Variants in PHF24 observed in about 807,000 individuals in gnomAD.
The protein encoded by PHF24 is Galpha inhibitory interacting protein.
PHF24 carries 25 observed loss-of-function variants against 42.6 expected under a neutral mutation model. The ratio of observed to expected loss-of-function variants is 0.59; its 90% confidence interval spans 0.43 to 0.82. PHF24 has a LOEUF of 0.82. Ranked by LOEUF, PHF24 falls within the 40% of genes least tolerant of loss-of-function variation. The probability of loss-of-function intolerance (pLI) is 0.00; values close to 1 mark genes in which losing one functional copy is unlikely to be tolerated. For missense variants in PHF24, 470 were observed against 538.1 expected (o/e 0.87, Z 1.25); for synonymous variants, 185 against 204.8 (o/e 0.90, Z 0.83).
At chr9:34,976,005 G>A in intron 3 of PHF24, 147 bp from the exon 4 acceptor site, 1 of 642,098 alleles carries the variant, frequency 1.6e-6, no homozygotes, top group South Asian at 1.9e-5. Context: ...CCTCTCTGGG[G>A]CCTCAATCTC....
the PHF24 span, among the ~76,000 whole-genome samples, chr9:34,881,121 A>G: frequency 6.6e-6 from 1 of 152,238 alleles, no homozygotes; most frequent in African/African-American, 2.4e-5. Context: ...TGGGTACATA[A>G]TGAAATGAAG....
At chr9:34,774,985 G>A in the PHF24 span, among the ~76,000 whole-genome samples, 1 of 151,994 alleles carries the variant, frequency 6.6e-6, no homozygotes, top group Admixed American at 6.6e-5. Flanking sequence ...CAGTTGTTGG[G>A]GAAAACAGTA....
chr9:34,687,392 T>G, the PHF24 span, among the ~76,000 whole-genome samples: 1 of 152,170 alleles, frequency 6.6e-6, no homozygotes, highest in East Asian at 1.9e-4. Context: ...GCCAAGTCTT[T>G]GTTTGGAAGG....
At chr9:34,942,194 A>G in the PHF24 span, among the ~76,000 whole-genome samples, 17 of 152,158 alleles carry the variant, frequency 1.1e-4, no homozygotes, top group African/African-American at 3.1e-4. Flanking sequence ...GCCTAAACCT[A>G]CTGCAGAACC....
chr9:34,866,551 TA>T, the PHF24 span, among the ~76,000 whole-genome samples: 2 of 151,854 alleles, frequency 1.3e-5, no homozygotes, highest in South Asian at 2.1e-4. Context: ...CCAGGGCCTA[TA>T]AAAAAAATGC....
At chr9:34,890,340 T>C in the PHF24 span, among the ~76,000 whole-genome samples, 1 of 152,166 alleles carries the variant, frequency 6.6e-6, no homozygotes, top group Non-Finnish European at 1.5e-5. Flanking sequence ...TTTTCTCTGC[T>C]GGGGTAGGGA....
the PHF24 span, among the ~76,000 whole-genome samples, chr9:34,701,113 T>C: frequency 6.6e-6 from 1 of 152,178 alleles, no homozygotes; most frequent in Non-Finnish European, 1.5e-5. This position sits in a 1 kb window ranked among gnomAD's most constrained non-coding sequence, Gnocchi z 5.8. Flanking sequence ...CTCAGGGCGA[T>C]CAACCCATTC....
intron 1 of PHF24, among the ~76,000 whole-genome samples, chr9:34,965,854 T>C (rs1412836066): frequency 2.0e-5 from 3 of 152,236 alleles, no homozygotes; most frequent in Admixed American, 2.0e-4. Flanking sequence ...TTGGTTTTCC[T>C]CTAATGAATC....
the PHF24 span, among the ~76,000 whole-genome samples, chr9:34,781,592 TG>T: frequency 6.6e-6 from 1 of 152,206 alleles, no homozygotes; most frequent in East Asian, 1.9e-4. Flanking sequence ...ATGGTTAAAA[TG>T]GCACATTTTA....
chr9:34,709,079 T>G, the PHF24 span: 1 of 467,702 alleles, frequency 2.1e-6, no homozygotes, highest in Non-Finnish European at 3.8e-6. Flanking sequence ...TGGGGTGTAC[T>G]GGGGAGCCGT....
intron 1 of PHF24, among the ~76,000 whole-genome samples, chr9:34,961,081 C>A (rs973686182): frequency 7.9e-5 from 12 of 152,188 alleles, no homozygotes; most frequent in Admixed American, 3.9e-4. Context: ...GTAAGACCTC[C>A]CCAGGCCCAT....
the PHF24 span, among the ~76,000 whole-genome samples, chr9:34,911,503 C>A: frequency 2.0e-5 from 3 of 152,160 alleles, no homozygotes; most frequent in African/African-American, 7.2e-5. Flanking sequence ...CCACCCGCCT[C>A]AGCCTCCCAA....
the PHF24 span, among the ~76,000 whole-genome samples, chr9:34,695,673 C>T: frequency 6.6e-6 from 1 of 152,034 alleles, no homozygotes; most frequent in African/African-American, 2.4e-5. Context: ...TTAGGGGACA[C>T]CCATCTGGTG....
the PHF24 span, among the ~76,000 whole-genome samples, chr9:34,876,723 T>A: frequency 6.6e-6 from 1 of 152,158 alleles, no homozygotes; most frequent in Non-Finnish European, 1.5e-5. Context: ...GAAACCCTGG[T>A]GCATTGCTGG....
At chr9:34,898,230 G>A in the PHF24 span, among the ~76,000 whole-genome samples, 1 of 152,156 alleles carries the variant, frequency 6.6e-6, no homozygotes, top group Admixed American at 6.5e-5. Flanking sequence ...TCTACTTTTA[G>A]TTCTTTAAGG....
the PHF24 span, among the ~76,000 whole-genome samples, chr9:34,668,549 A>G: frequency 0.93 from 141,936 of 152,304 alleles, 66,380 homozygotes; most frequent in Non-Finnish European, 0.98. Flanking sequence ...TCAGTCTCAG[A>G]ACCTGGATGT....
At chr9:34,710,205 C>T in the PHF24 span, 1 of 684,434 alleles carries the variant, frequency 1.5e-6, no homozygotes, top group Non-Finnish European at 2.5e-6. Context: ...TATCCCCACT[C>T]CTTTTCCTTC....
the PHF24 span, among the ~76,000 whole-genome samples, chr9:34,675,201 C>T: frequency 6.6e-6 from 1 of 152,132 alleles, no homozygotes. Context: ...CTTTGTGGTT[C>T]TCAATCCGCA....
the PHF24 span, among the ~76,000 whole-genome samples, chr9:34,715,470 C>G: frequency 6.6e-6 from 1 of 152,120 alleles, no homozygotes; most frequent in Non-Finnish European, 1.5e-5. Context: ...TCCTCTCAGT[C>G]CTCAGACCAG....
Sources: allele counts gnomAD v4.1 joint callset (sites outside exome capture counted in the v4.1 genomes callset), GRCh38; gene constraint gnomAD v4.1.1; non-coding constraint Gnocchi (gnomAD v3.1); transcripts MANE v1.5; gene names NCBI Gene and HGNC (gene_info 2026-07-23, HGNC 2026-07-21).